Variants in NRXN3 observed in about 807,000 individuals in gnomAD.
The protein encoded by NRXN3 is neurexin 3, also known as neurexin III.
A neutral mutation model predicts 137.6 loss-of-function variants in NRXN3; 32 were observed. The ratio of observed to expected loss-of-function variants is 0.23; its 90% CI spans 0.18 to 0.31. The LOEUF is 0.31. NRXN3 is among the 10% of genes least tolerant of loss of function. The pLI, the probability that NRXN3 is intolerant of heterozygous loss-of-function variation, is 1.00. For missense variants in NRXN3, 1,574 were observed against 2,062.5 expected (o/e 0.76, Z 4.59); for synonymous variants, 798 against 784.5 (o/e 1.02, Z -0.29).
At chr14:79,620,756 G>T (rs960953909) in intron 16 of NRXN3, among the ~76,000 whole-genome samples, 20 of 152,078 alleles carry the variant, frequency 1.3e-4, no homozygotes, top group Non-Finnish European at 2.8e-4. Flanking sequence ...GAGGCAGTTG[G>T]ATATGTAGCA....
intron 15 of NRXN3, among the ~76,000 whole-genome samples, chr14:79,438,342 T>C (rs939917498): frequency 6.6e-6 from 1 of 152,220 alleles, no homozygotes; most frequent in Non-Finnish European, 1.5e-5. Flanking sequence ...GGTTTGGATT[T>C]AGACGAGACA....
At chr14:78,229,090 C>T (rs1265572411) in intron 1 of NRXN3, among the ~76,000 whole-genome samples, 1 of 152,086 alleles carries the variant, frequency 6.6e-6, no homozygotes, top group Non-Finnish European at 1.5e-5. Context: ...GGGATGGTCC[C>T]TTAAATGTTG....
chr14:78,183,988 G>T (rs556562567), intron 1 of NRXN3, among the ~76,000 whole-genome samples: 5 of 152,260 alleles, frequency 3.3e-5, no homozygotes, highest in African/African-American at 1.2e-4. Flanking sequence ...TGTACATGTA[G>T]TTATTTATTT....
intron 16 of NRXN3, among the ~76,000 whole-genome samples, chr14:79,608,480 G>A (rs1157071301): frequency 6.6e-6 from 1 of 152,182 alleles, no homozygotes; most frequent in Non-Finnish European, 1.5e-5. Context: ...TCTTTCTTCA[G>A]TTAAACTGAA....
intron 20 of NRXN3, among the ~76,000 whole-genome samples, chr14:79,851,125 T>G (rs145258967): frequency 2.2e-3 from 338 of 152,282 alleles, no homozygotes; most frequent in Non-Finnish European, 3.9e-3. Context: ...TCGAAATGCC[T>G]CTCATTATCC....
At chr14:79,790,812 G>T (rs958874810) in intron 19 of NRXN3, among the ~76,000 whole-genome samples, 2 of 151,756 alleles carry the variant, frequency 1.3e-5, no homozygotes, top group Admixed American at 6.6e-5. Context: ...GTAGAGGCAG[G>T]GTTTCACCAT....
At chr14:78,238,411 G>A (rs1009099736) in intron 1 of NRXN3, among the ~76,000 whole-genome samples, 3 of 152,208 alleles carry the variant, frequency 2.0e-5, no homozygotes, top group African/African-American at 7.2e-5. Flanking sequence ...TCAGTAGAGG[G>A]TGGCAGTTGT....
chr14:78,932,389 T>C (rs1292843405), intron 10 of NRXN3, among the ~76,000 whole-genome samples: 1 of 152,142 alleles, frequency 6.6e-6, no homozygotes, highest in African/African-American at 2.4e-5. Context: ...ATATTTTAGT[T>C]AGTTTGAGTA....
chr14:78,779,468 A>C (rs908925911), intron 8 of NRXN3, among the ~76,000 whole-genome samples: 1 of 152,134 alleles, frequency 6.6e-6, no homozygotes, highest in Admixed American at 6.5e-5. Flanking sequence ...TTGATTATTG[A>C]AGTGAAAAAA....
chr14:79,851,780 T>C lies in NRXN3; in HGVS notation c.4094-9562T>C, dbSNP rs117456040. Among the ~76,000 whole-genome samples, 304 of 152,276 alleles carry C rather than the reference T, an allele frequency of 2.0e-3. 12 individuals carry two copies. In the East Asian group the frequency reaches 0.04, roughly 20 times the overall value. Reference sequence around the variant, plus strand: ...CATTTCTAAAAATTCCTTCCCTCTGTTTCTTCTACAGTATCTTCCTCTCCG... The same window carrying C: ...CATTTCTAAAAATTCCTTCCCTCTGCTTCTTCTACAGTATCTTCCTCTCCG... On this transcript the variant is annotated intron_variant, in intron 20 of 20. Coordinates refer to ENST00000335750, the MANE Select transcript of NRXN3 (RefSeq NM_001330195.2).
At chr14:79,421,843 T>C (rs1232464031) in intron 15 of NRXN3, among the ~76,000 whole-genome samples, 3 of 152,186 alleles carry the variant, frequency 2.0e-5, no homozygotes, top group Non-Finnish European at 4.4e-5. Context: ...TGTTTATAAA[T>C]ATAATTTATT....
chr14:78,852,786 A>G (rs2099046089), intron 10 of NRXN3, among the ~76,000 whole-genome samples: 1 of 152,114 alleles, frequency 6.6e-6, no homozygotes, highest in Admixed American at 6.5e-5. Context: ...TAAAATAAGA[A>G]TGCTAATGCA....
chr14:78,950,340 A>G (rs908939857), intron 10 of NRXN3, among the ~76,000 whole-genome samples: 4 of 152,062 alleles, frequency 2.6e-5, no homozygotes, highest in African/African-American at 9.7e-5. Context: ...TACATTGGGG[A>G]CAATATTCTT....
chr14:79,668,126 C>G (rs183708946), intron 17 of NRXN3, among the ~76,000 whole-genome samples: 1 of 152,076 alleles, frequency 6.6e-6, no homozygotes, highest in Admixed American at 6.6e-5. Flanking sequence ...CACGGATGAC[C>G]TACATTTAAA....
intron 4 of NRXN3, among the ~76,000 whole-genome samples, chr14:78,467,182 T>G (rs530161394): frequency 2.6e-5 from 4 of 152,328 alleles, no homozygotes; most frequent in African/African-American, 7.2e-5. Flanking sequence ...CTCACGACTG[T>G]GCCTCATGCC....
At position 79,180,782 on chromosome 14, in the gene NRXN3, C is replaced by T. The variant is rs184314558; in HGVS notation, c.3262+192641C>T. ...ATAATAATAAATATTTAGCCATGTA[C>T]GGTTTCACTTCTATGCCAGTGCCTC... On this transcript the variant is annotated intron_variant, in intron 15 of 20. Coordinates refer to ENST00000335750, the MANE Select transcript of NRXN3 (RefSeq NM_001330195.2). 7.8e-4 allele frequency among the ~76,000 whole-genome samples: 119 copies of T among 152,128 alleles called. 1 individual carries two copies. The highest frequency in any genetic ancestry group is 2.0e-3 in the African/African-American group (83 of 41,506).
At chr14:78,957,192 G>A (rs1335699677) in intron 10 of NRXN3, 50 bp from the exon 11 acceptor site, 8 of 1,602,388 alleles carry the variant, frequency 5.0e-6, no homozygotes, top group Non-Finnish European at 6.8e-6. Flanking sequence ...TGATGCATGA[G>A]CACTACTTTC....
intron 15 of NRXN3, among the ~76,000 whole-genome samples, chr14:79,141,422 T>C (rs2058776979): frequency 6.6e-6 from 1 of 152,202 alleles, no homozygotes; most frequent in Non-Finnish European, 1.5e-5. Context: ...TTGTAAGCAG[T>C]TGATAAATGT....
chr14:78,392,474 C>T (rs901550636), intron 4 of NRXN3, among the ~76,000 whole-genome samples: 2 of 152,114 alleles, frequency 1.3e-5, no homozygotes, highest in Admixed American at 6.5e-5. Flanking sequence ...TTTAAATCCT[C>T]GAGTAGTGGC....
Sources: gnomAD v4.1 joint callset for allele counts (sites outside exome capture counted in the v4.1 genomes callset) on GRCh38, gnomAD v4.1.1 for gene constraint, MANE v1.5 for transcripts, NCBI Gene and HGNC (gene_info 2026-07-23, HGNC 2026-07-21) for gene names.